The following UTP4 variants were observed in gnomAD, a reference collection of about 807,000 sequenced individuals.
UTP4 encodes the protein UTP4 small subunit processome component.
Under a neutral mutation model 82.4 loss-of-function variants are expected in UTP4, and 45 were observed. The observed-to-expected ratio is 0.55, with a 90% CI of 0.43 to 0.70. The LOEUF is 0.70. UTP4 is among the 30% of genes least tolerant of loss of function. The probability of loss-of-function intolerance (pLI) is 0.00; values close to 1 mark genes in which losing one functional copy is unlikely to be tolerated. For synonymous variants in UTP4, 348 were observed against 300.3 expected, an observed-to-expected ratio of 1.16 and a Z score of -1.64; for missense variants, 819 against 858.3, an observed-to-expected ratio of 0.95 and a Z score of 0.57.
At chr16:69,163,707 C>T (rs377373677) in intron 14 of UTP4, among the ~76,000 whole-genome samples, 4 of 150,780 alleles carry the variant, frequency 2.7e-5, no homozygotes, top group East Asian at 1.9e-4. Context: ...ACCTGGGCTG[C>T]GGAATATATT....
At chr16:69,151,620 C>CCT (rs1363926870) in intron 8 of UTP4, among the ~76,000 whole-genome samples, 1 of 143,738 alleles carries the variant, frequency 7.0e-6, no homozygotes, top group East Asian at 1.9e-4. Context: ...GTGCCCAGCC[C>CCT]CTGCCTTTTT....
rs1172446172 is a variant in UTP4 at position 69,156,142 on chromosome 16, A to ATTTC, written c.1287+161_1287+164dup. On this transcript the variant is annotated intron_variant, in intron 11 of 16. Coordinates refer to ENST00000314423, the MANE Select transcript of UTP4 (RefSeq NM_032830.3). Reference sequence around the variant, plus strand: ...GAAGGCTGTTATGAAACAGTGTTTTATTTCTTTCTTTCTTTTTTTTTTTTT... The same window carrying ATTTC: ...GAAGGCTGTTATGAAACAGTGTTTTATTTCTTTCTTTCTTTCTTTTTTTTTTTTT... 5.3e-5 allele frequency: 32 copies of ATTTC among 600,416 alleles called. No homozygotes were observed. The African/African-American group carries it at 6.9e-4, about 13-fold the overall frequency. The allele number at this position is 600,416 out of a possible 1,614,324, so 37.2% of individuals were successfully genotyped here.
Position 69,168,839 on chromosome 16 carries a change from CT to C in UTP4, c.1967del (p.Leu656TrpfsTer9). On this transcript the variant is annotated frameshift_variant, in exon 17 of 17. Coordinates refer to ENST00000314423, the MANE Select transcript of UTP4 (RefSeq NM_032830.3). LOFTEE classifies it high-confidence loss of function. ...KIYKPLLFMD[L>X]LDERTLVAVE... ...TCTGCAGCCTCTACTCTTCATGGATCTTTTGGATGAAAGAACACTCGTGGCA... is the reference window on the plus strand; with the variant it reads ...TCTGCAGCCTCTACTCTTCATGGATCTTTGGATGAAAGAACACTCGTGGCA... 6.2e-7 allele frequency: 1 copy of C among 1,612,022 alleles called. No individual in the cohort carries two copies. The highest frequency in any genetic ancestry group is 1.1e-5 in the South Asian group (1 of 91,026).
chr16:69,155,827 G>A (rs1567377515), intron 10 of UTP4, 44 bp from the exon 11 acceptor site: 1 of 1,613,298 alleles, frequency 6.2e-7, no homozygotes, highest in South Asian at 1.1e-5. Flanking sequence ...ACCTTGTTAT[G>A]TGAAGTTTAA....
intron 4 of UTP4, 85 bp from the exon 5 acceptor site, chr16:69,139,740 A>C: frequency 4.7e-6 from 4 of 848,270 alleles, no homozygotes; most frequent in African/African-American, 1.7e-5. Context: ...AGAACACTCT[A>C]GAGATAGTTG....
chr16:69,147,473 C>G (rs1350545054), intron 6 of UTP4, among the ~76,000 whole-genome samples: 1 of 152,126 alleles, frequency 6.6e-6, no homozygotes, highest in Non-Finnish European at 1.5e-5. Context: ...CCGCTGCACT[C>G]CAGCCTGGGT....
intron 13 of UTP4, among the ~76,000 whole-genome samples, chr16:69,162,274 AG>A (rs1268764007): frequency 6.7e-6 from 1 of 149,002 alleles, no homozygotes; most frequent in Non-Finnish European, 1.5e-5. Context: ...GCCAACCAAT[AG>A]GTATTTTTTT....
chr16:69,154,724 A>ATTTATTTG (rs1963364273), intron 10 of UTP4, among the ~76,000 whole-genome samples: 1 of 150,908 alleles, frequency 6.6e-6, no homozygotes, highest in Non-Finnish European at 1.5e-5. Context: ...TTATTTATTT[A>ATTTATTTG]TTTATTTATT....
intron 15 of UTP4, 188 bp downstream of exon 15, chr16:69,165,714 C>A: frequency 1.5e-6 from 1 of 672,324 alleles, no homozygotes; most frequent in Non-Finnish European, 2.7e-6. Context: ...TGTGTTCCCA[C>A]AGTTCTTCGG....
intron 5 of UTP4, among the ~76,000 whole-genome samples, chr16:69,141,059 C>T (rs1473890585): frequency 3.3e-5 from 5 of 152,312 alleles, no homozygotes; most frequent in African/African-American, 1.2e-4. Context: ...GTCTCTCTGT[C>T]TTACTGATAC....
At chr16:69,166,546 C>T (rs1963707679) in intron 15 of UTP4, 1 of 153,824 alleles carries the variant, frequency 6.5e-6, no homozygotes, top group South Asian at 2.0e-4. Flanking sequence ...AATATCATTT[C>T]TTTGGCCAGA....
At chr16:69,154,192 C>A (rs1234426240) in intron 9 of UTP4, among the ~76,000 whole-genome samples, 1 of 152,140 alleles carries the variant, frequency 6.6e-6, no homozygotes, top group Non-Finnish European at 1.5e-5. Flanking sequence ...AGTGATGTAT[C>A]AGAGGATAGA....
chr16:69,165,675 G>C (rs1267109437), intron 15 of UTP4, 149 bp downstream of exon 15: 2 of 747,978 alleles, frequency 2.7e-6, no homozygotes, highest in Non-Finnish European at 4.6e-6. Flanking sequence ...TTGGAGGAGA[G>C]GGGCTTTTGT....
At chr16:69,157,348 A>G in intron 12 of UTP4, 108 bp downstream of exon 12, 1 of 1,068,982 alleles carries the variant, frequency 9.4e-7, no homozygotes, top group East Asian at 2.6e-5. Flanking sequence ...CCTACCCTGC[A>G]GATACACTCA....
In UTP4 at chr16:69,150,718, C is replaced by G. The variant is rs1390365676; in HGVS notation, c.910+10C>G. On this transcript the variant is annotated intron_variant, in intron 7 of 16. Coordinates refer to ENST00000314423, the MANE Select transcript of UTP4 (RefSeq NM_032830.3). ...GCGCTGATATCTGGAGGTGGGTTCC[C>G]CCTCTGGTGAGGCTGCTGCTTTACC... The G allele has an allele frequency of 2.5e-6, 4 of 1,614,118 alleles. No individual in the cohort carries two copies. The highest frequency in any genetic ancestry group is 1.7e-5 in the Admixed American group (1 of 60,014).
At chr16:69,159,715 CG>C (rs772286513) in intron 12 of UTP4, among the ~76,000 whole-genome samples, 2 of 150,608 alleles carry the variant, frequency 1.3e-5, no homozygotes, top group Non-Finnish European at 3.0e-5. Context: ...AGGCCAGGCA[CG>C]GTGGCTCACG....
At chr16:69,150,960 C>G in intron 8 of UTP4, 56 bp downstream of exon 8, 1 of 1,340,718 alleles carries the variant, frequency 7.5e-7, no homozygotes, top group Non-Finnish European at 1.1e-6. Flanking sequence ...CCTGTGTCCC[C>G]CTGTCCCACA....
chr16:69,162,890 CAA>C (rs1012200238), intron 13 of UTP4, among the ~76,000 whole-genome samples, 191 bp from the exon 14 acceptor site: 13 of 100,934 alleles, frequency 1.3e-4, no homozygotes, highest in Non-Finnish European at 1.2e-4. Context: ...AACTCCATCT[CAA>C]AAAAAAAAAA....
At chr16:69,155,188 T>C (rs1963378820) in intron 10 of UTP4, among the ~76,000 whole-genome samples, 1 of 152,240 alleles carries the variant, frequency 6.6e-6, no homozygotes, top group South Asian at 2.1e-4. Context: ...TTGCTTACTT[T>C]TTTGAGGCAG....
Sources: allele counts gnomAD v4.1 joint callset (sites outside exome capture counted in the v4.1 genomes callset), GRCh38; gene constraint gnomAD v4.1.1; transcripts MANE v1.5; gene names NCBI Gene and HGNC (gene_info 2026-07-23, HGNC 2026-07-21).